The following BTBD9 variants were observed in gnomAD, a reference collection of about 807,000 sequenced individuals.
BTBD9 encodes the protein BTB/POZ domain-containing protein 9.
In BTBD9, 49 loss-of-function variants were observed where a neutral mutation model predicts 64.3. That is an observed-to-expected ratio of 0.76 (90% CI 0.61 to 0.97). BTBD9 has a LOEUF of 0.97. Among genes scored for constraint, BTBD9 ranks in the 50% least tolerant of loss-of-function variants. The probability of loss-of-function intolerance (pLI) is 0.00; values close to 1 mark genes in which losing one functional copy is unlikely to be tolerated. For synonymous variants in BTBD9, 260 were observed against 274.7 expected (o/e 0.95, Z 0.53); for missense variants, 598 against 762.1 (o/e 0.78, Z 2.53).
At chr6:38,569,903 C>T (rs1285514781) in intron 6 of BTBD9, among the ~76,000 whole-genome samples, 1 of 150,606 alleles carries the variant, frequency 6.6e-6, no homozygotes, top group Non-Finnish European at 1.5e-5. Context: ...GTGAAGAGAT[C>T]TTGTAAATAA....
intron 1 of BTBD9, among the ~76,000 whole-genome samples, chr6:38,618,588 C>G (rs1777875361): frequency 6.6e-6 from 1 of 152,136 alleles, no homozygotes; most frequent in African/African-American, 2.4e-5. Context: ...ACCCCCCAGG[C>G]TATCGGTTAT....
chr6:38,430,889 C>G (rs561598432), intron 6 of BTBD9, among the ~76,000 whole-genome samples: 3 of 152,074 alleles, frequency 2.0e-5, no homozygotes, highest in South Asian at 4.2e-4. Context: ...ACCCAATGGT[C>G]AGGTCTGTCC....
chr6:38,214,839 T>C lies in BTBD9; in HGVS notation c.1563-22242A>G, dbSNP rs1023672388. ...AGCAGCCATAAGACACAAGAAAATA[T>C]GGCTTCCTTTCAGACTGTGTTTCAG... On this transcript the variant is annotated intron_variant, in intron 9 of 10. Transcript: ENST00000481247. Among the ~76,000 whole-genome samples, 11 of 152,226 alleles carry C rather than the reference T, an allele frequency of 7.2e-5. No individual in the cohort carries two copies. The South Asian group carries it at 1.9e-3, about 26-fold the overall frequency.
chr6:38,549,693 C>A (rs968798403), intron 6 of BTBD9, among the ~76,000 whole-genome samples: 26 of 152,080 alleles, frequency 1.7e-4, no homozygotes, highest in African/African-American at 6.3e-4. Flanking sequence ...AGTAGGGAAC[C>A]ACCCTACTGC....
At position 38,303,874 on chromosome 6, in the gene BTBD9, T is replaced by TATACACAC. The variant is rs368257334; in HGVS notation, c.1265-15414_1265-15413insGTGTGTAT. Among the ~76,000 whole-genome samples the TATACACAC allele has an allele frequency of 1.2e-4, 10 of 82,652 alleles. 1 individual carries two copies. Among genetic ancestry groups the TATACACAC allele is most frequent in the African/African-American group, 4.3e-4 (9 of 20,832 alleles). The allele number at this position is 82,652 out of a possible 152,430, so 54.2% of individuals were successfully genotyped here. ...ATATATATATATATATATATATATA[T>TATACACAC]ACACACACACACATGTGTATATATA... On this transcript the variant is annotated intron_variant, in intron 7 of 10. Coordinates refer to ENST00000481247, the MANE Select transcript of BTBD9 (RefSeq NM_001099272.2).
chr6:38,319,167 C>T (rs923083853), intron 7 of BTBD9, among the ~76,000 whole-genome samples: 7 of 151,998 alleles, frequency 4.6e-5, no homozygotes, highest in African/African-American at 1.7e-4. Flanking sequence ...GTAGGTTCCC[C>T]TCTGGACTAG....
chr6:38,450,457 T>C (rs1037599389), intron 6 of BTBD9, among the ~76,000 whole-genome samples: 3 of 152,172 alleles, frequency 2.0e-5, no homozygotes, highest in Non-Finnish European at 4.4e-5. Flanking sequence ...AGGTAATGCA[T>C]TAGTTAGCTA....
chr6:38,446,480 T>G (rs1769283330), intron 6 of BTBD9, among the ~76,000 whole-genome samples: 1 of 152,170 alleles, frequency 6.6e-6, no homozygotes, highest in Admixed American at 6.6e-5. Context: ...AGCTGTTCAC[T>G]TTTGTTTCTG....
chr6:38,629,469 A>C (rs148351243), intron 1 of BTBD9, among the ~76,000 whole-genome samples: 40 of 152,368 alleles, frequency 2.6e-4, no homozygotes, highest in Non-Finnish European at 4.0e-4. Context: ...ATTACCGCCA[A>C]AACTGCATAA....
Position 38,387,084 on chromosome 6 carries a change from G to A in BTBD9, c.1155-41991C>T, listed in dbSNP as rs1326388247. ...TAGTAAGAAAGGATGCTTGCAGGTA[G>A]AACAAGGAAGCACTTAAGAATTTAC... On this transcript the variant is annotated intron_variant, in intron 6 of 10. Coordinates refer to ENST00000481247, the MANE Select transcript of BTBD9 (RefSeq NM_001099272.2). Among the ~76,000 whole-genome samples, 4 of 152,184 alleles carry A rather than the reference G, an allele frequency of 2.6e-5. No individual in the cohort carries two copies. In the East Asian group the frequency reaches 7.7e-4, roughly 29 times the overall value.
chr6:38,412,354 A>G (rs1033102611), intron 6 of BTBD9, among the ~76,000 whole-genome samples: 3 of 152,128 alleles, frequency 2.0e-5, no homozygotes, highest in Non-Finnish European at 4.4e-5. Flanking sequence ...ACATATGCTC[A>G]ACTTCCTTCT....
At chr6:38,311,009 C>T (rs1368675833) in intron 7 of BTBD9, among the ~76,000 whole-genome samples, 1 of 152,156 alleles carries the variant, frequency 6.6e-6, no homozygotes, top group Admixed American at 6.5e-5. Flanking sequence ...CGGGGTTTCA[C>T]CATGTTGGCC....
chr6:38,270,259 T>C (rs571630078), intron 8 of BTBD9, among the ~76,000 whole-genome samples: 5 of 152,184 alleles, frequency 3.3e-5, no homozygotes, highest in Non-Finnish European at 7.3e-5. Flanking sequence ...TTTTGGCTGA[T>C]AGGACCTACA....
chr6:38,527,780 G>A (rs1215664120), intron 6 of BTBD9, among the ~76,000 whole-genome samples: 2 of 151,638 alleles, frequency 1.3e-5, no homozygotes, highest in East Asian at 3.9e-4. Context: ...CCTAGGAAAG[G>A]AAAGACTCTA....
At chr6:38,555,037 C>G (rs1774955753) in intron 6 of BTBD9, among the ~76,000 whole-genome samples, 1 of 152,222 alleles carries the variant, frequency 6.6e-6, no homozygotes, top group Non-Finnish European at 1.5e-5. Flanking sequence ...CTACAGTCCC[C>G]TCCAGTACCC....
chr6:38,513,416 C>A (rs1162644892), intron 6 of BTBD9, among the ~76,000 whole-genome samples: 5 of 151,432 alleles, frequency 3.3e-5, no homozygotes, highest in African/African-American at 1.2e-4. Context: ...CCACTGCACT[C>A]CAGCTTGGGC....
intron 7 of BTBD9, among the ~76,000 whole-genome samples, chr6:38,314,127 GTTGT>G (rs1031744376): frequency 1.4e-5 from 2 of 147,938 alleles, no homozygotes; most frequent in African/African-American, 5.0e-5. Flanking sequence ...CATCACATTT[GTTGT>G]TTGTTAGTAT....
intron 7 of BTBD9, among the ~76,000 whole-genome samples, chr6:38,332,717 G>T (rs1763728864): frequency 6.6e-6 from 1 of 151,672 alleles, no homozygotes; most frequent in Non-Finnish European, 1.5e-5. Context: ...ACACATAACT[G>T]GGATTTTGAG....
At chr6:38,458,029 GT>G (rs1232360610) in intron 6 of BTBD9, among the ~76,000 whole-genome samples, 1 of 152,176 alleles carries the variant, frequency 6.6e-6, no homozygotes, top group Non-Finnish European at 1.5e-5. Context: ...TAAGGAGACT[GT>G]AGTCCCAGAG....
Sources: allele counts gnomAD v4.1 joint callset (sites outside exome capture counted in the v4.1 genomes callset), GRCh38; gene constraint gnomAD v4.1.1; transcripts MANE v1.5; gene names NCBI Gene and HGNC (gene_info 2026-07-23, HGNC 2026-07-21).